Variants in CDH12 observed in about 807,000 individuals in gnomAD.
The protein encoded by CDH12 is cadherin-12.
A neutral mutation model predicts 74.1 loss-of-function variants in CDH12; 41 were observed. That is an observed-to-expected ratio of 0.55 (90% CI 0.43 to 0.72). CDH12 has a LOEUF of 0.72. Ranked by LOEUF, CDH12 falls within the 30% of genes least tolerant of loss-of-function variation. The probability of loss-of-function intolerance (pLI) is 0.00; values close to 1 mark genes in which losing one functional copy is unlikely to be tolerated. For synonymous variants in CDH12, 399 were observed against 355.0 expected (o/e 1.12, Z -1.39); for missense variants, 945 against 977.2 (o/e 0.97, Z 0.44).
chr5:22,487,670 T>G (rs1354677331), intron 2 of CDH12, among the ~76,000 whole-genome samples: 1 of 152,182 alleles, frequency 6.6e-6, no homozygotes, highest in Non-Finnish European at 1.5e-5. Flanking sequence ...TCAAAAATAT[T>G]CATTGCTCAT....
intron 3 of CDH12, among the ~76,000 whole-genome samples, chr5:22,276,365 T>C (rs1236304416): frequency 6.6e-6 from 1 of 152,176 alleles, no homozygotes; most frequent in African/African-American, 2.4e-5. Flanking sequence ...AATCAGTTAA[T>C]AAAACATCCA....
intron 5 of CDH12, among the ~76,000 whole-genome samples, chr5:22,060,635 A>G (rs1198844724): frequency 6.6e-6 from 1 of 152,212 alleles, no homozygotes; most frequent in Non-Finnish European, 1.5e-5. Context: ...AAGTCAACAC[A>G]GTATACAAGA....
intron 2 of CDH12, among the ~76,000 whole-genome samples, chr5:22,469,253 G>A (rs1328561845): frequency 6.6e-6 from 1 of 152,190 alleles, no homozygotes; most frequent in African/African-American, 2.4e-5. Flanking sequence ...TGCTAGGACT[G>A]CCATAGAAAG....
At chr5:21,825,816 T>C (rs1218103256) in intron 8 of CDH12, among the ~76,000 whole-genome samples, 1 of 152,218 alleles carries the variant, frequency 6.6e-6, no homozygotes, top group East Asian at 1.9e-4. Context: ...GGCACTCTAC[T>C]ATCATAGTTT....
chr5:22,349,557 A>AT (rs1386772985), intron 3 of CDH12, among the ~76,000 whole-genome samples: 1 of 152,128 alleles, frequency 6.6e-6, no homozygotes, highest in Non-Finnish European at 1.5e-5. Flanking sequence ...CATCAATATA[A>AT]TTTCTTAACC....
rs569057803 is a variant in CDH12, at chr5:22,449,676, C to T, written c.-427-44325G>A. On this transcript the variant is annotated intron_variant, in intron 2 of 14. Coordinates refer to ENST00000382254, the MANE Select transcript of CDH12 (RefSeq NM_004061.5). ...GATTGTAATTAAATTTGTACTTGAC[C>T]TTATCATCCACATTAATTCAGAAAT... Among the ~76,000 whole-genome samples the T allele has an allele frequency of 2.6e-5, 4 of 152,028 alleles. No individual in the cohort carries two copies. The South Asian group carries it at 8.3e-4, about 32-fold the overall frequency.
At chr5:22,260,879 G>C (rs1458269220) in intron 3 of CDH12, among the ~76,000 whole-genome samples, 1 of 151,856 alleles carries the variant, frequency 6.6e-6, no homozygotes, top group African/African-American at 2.4e-5. Flanking sequence ...TTGACTCATA[G>C]AATTATATTC....
intron 1 of CDH12, among the ~76,000 whole-genome samples, chr5:22,805,686 T>G (rs1748744514): frequency 6.6e-6 from 1 of 152,156 alleles, no homozygotes; most frequent in African/African-American, 2.4e-5. Flanking sequence ...TTCTTTAAGT[T>G]CTGGGGTACA....
rs911168480 is a variant in CDH12 at position 22,561,095 on chromosome 5, T to C, written c.-522-55731A>G. On this transcript the variant is annotated intron_variant, in intron 1 of 14. Coordinates refer to ENST00000382254, the MANE Select transcript of CDH12 (RefSeq NM_004061.5). ...ACTTTCAATTCCTGGGCAGTTTTAG[T>C]TGAAAAATAAAGGTTTTGAACTATT... is the stretch of plus-strand genomic sequence containing the variant. Among the ~76,000 whole-genome samples, 26 of 152,298 alleles carry C rather than the reference T, an allele frequency of 1.7e-4. No homozygotes were observed. In the South Asian group the frequency reaches 2.7e-3, roughly 16 times the overall value.
chr5:22,324,201 G>A (rs1374788609), intron 3 of CDH12, among the ~76,000 whole-genome samples: 1 of 151,896 alleles, frequency 6.6e-6, no homozygotes, highest in Admixed American at 6.6e-5. Flanking sequence ...AGATTCAATG[G>A]GGCAATTTTT....
At chr5:22,678,194 C>T (rs755473593) in intron 1 of CDH12, among the ~76,000 whole-genome samples, 114 of 152,102 alleles carry the variant, frequency 7.5e-4, no homozygotes, top group Non-Finnish European at 1.5e-3. Flanking sequence ...AAGAAACCGA[C>T]ATTTACTGTA....
At chr5:22,245,042 G>A (rs756202615) in intron 3 of CDH12, among the ~76,000 whole-genome samples, 10 of 152,126 alleles carry the variant, frequency 6.6e-5, no homozygotes, top group Non-Finnish European at 1.5e-4. Flanking sequence ...AGGGCACTGC[G>A]GCAGAGCACG....
chr5:21,960,866 A>T (rs1465303988), intron 6 of CDH12, among the ~76,000 whole-genome samples: 1 of 152,120 alleles, frequency 6.6e-6, no homozygotes, highest in African/African-American at 2.4e-5. Flanking sequence ...TACATATTTA[A>T]TCAATATCTC....
intron 5 of CDH12, among the ~76,000 whole-genome samples, chr5:22,054,434 A>G (rs1223551943): frequency 6.6e-6 from 1 of 152,108 alleles, no homozygotes; most frequent in Admixed American, 6.6e-5. Flanking sequence ...GCCTTCTAAG[A>G]AGACTAGAAT....
chr5:22,743,973 TTAGAAA>T (rs1378936950), intron 1 of CDH12, among the ~76,000 whole-genome samples: 4 of 152,104 alleles, frequency 2.6e-5, no homozygotes, highest in African/African-American at 9.7e-5. Context: ...TAATCCTTCC[TTAGAAA>T]TAGAATTTAT....
At position 22,739,316 on chromosome 5, in the gene CDH12, A is replaced by ATTATT. The variant is rs371069347; in HGVS notation, c.-523+113741_-523+113742insAATAA. On this transcript the variant is annotated intron_variant, in intron 1 of 14. Transcript: ENST00000382254. ...CAACATTTTTGAATTTAAAAATTTT[A>ATTATT]CTTTTTTTTACTTACATTAAAGAAA... 3.6e-4 allele frequency among the ~76,000 whole-genome samples: 27 copies of ATTATT among 75,174 alleles called. No homozygotes were observed. The East Asian group carries it at 8.3e-3, about 23-fold the overall frequency. The allele number at this position is 75,174 out of a possible 152,430, so 49.3% of individuals were successfully genotyped here. A position where few individuals can be genotyped will look rare whatever the true frequency, so the allele number is the denominator to read the frequency against.
At chr5:22,091,706 A>T (rs1743443641) in intron 4 of CDH12, among the ~76,000 whole-genome samples, 1 of 152,032 alleles carries the variant, frequency 6.6e-6, no homozygotes, top group African/African-American at 2.4e-5. Flanking sequence ...TTCATTCTAA[A>T]ATTCATGTAG....
chr5:22,181,783 T>C (rs974426722), intron 4 of CDH12, among the ~76,000 whole-genome samples: 1 of 152,180 alleles, frequency 6.6e-6, no homozygotes, highest in Non-Finnish European at 1.5e-5. Context: ...AAATTAGACA[T>C]CTGGGAGTCA....
intron 4 of CDH12, among the ~76,000 whole-genome samples, chr5:22,208,272 AG>A: frequency 6.6e-6 from 1 of 152,282 alleles, no homozygotes; most frequent in East Asian, 1.9e-4. Context: ...CTAAAACTAC[AG>A]AGAAAAATGT....
Sources: allele counts gnomAD v4.1 joint callset (sites outside exome capture counted in the v4.1 genomes callset), GRCh38; gene constraint gnomAD v4.1.1; transcripts MANE v1.5; gene names NCBI Gene and HGNC (gene_info 2026-07-23, HGNC 2026-07-21).